Variants in GOLGB1 observed in about 807,000 individuals in gnomAD.
The protein encoded by GOLGB1 is golgin B1.
GOLGB1 carries 174 observed loss-of-function variants against 336.9 expected under a neutral mutation model. The observed-to-expected ratio is 0.52, with a 90% CI of 0.46 to 0.59. GOLGB1 has a LOEUF of 0.59. GOLGB1 is among the 20% of genes least tolerant of loss of function. The probability of loss-of-function intolerance (pLI) is 0.00; values close to 1 mark genes in which losing one functional copy is unlikely to be tolerated. For missense variants in GOLGB1, 3,331 were observed against 3,645.3 expected (o/e 0.91, Z 2.22); for synonymous variants, 1,208 against 1,289.2 (o/e 0.94, Z 1.35).
intron 11 of GOLGB1, among the ~76,000 whole-genome samples, chr3:121,701,089 A>G (rs1943364331): frequency 6.6e-6 from 1 of 152,188 alleles, no homozygotes; most frequent in Non-Finnish European, 1.5e-5. Context: ...AAAAAGGAGT[A>G]CAGTGGTAGA....
intron 4 of GOLGB1, among the ~76,000 whole-genome samples, chr3:121,728,606 A>C (rs1190681030): frequency 6.6e-6 from 1 of 152,312 alleles, no homozygotes; most frequent in Non-Finnish European, 1.5e-5. Context: ...AATATTCCTC[A>C]CAGGGCAGTA....
intron 1 of GOLGB1, among the ~76,000 whole-genome samples, chr3:121,744,330 G>A (rs1234668338): frequency 6.6e-6 from 1 of 151,268 alleles, no homozygotes; most frequent in African/African-American, 2.4e-5. Context: ...ATAGCAGTCA[G>A]GCAGGGTGGC....
chr3:121,736,837 G>C (rs1946502782), intron 1 of GOLGB1, among the ~76,000 whole-genome samples: 1 of 152,170 alleles, frequency 6.6e-6, no homozygotes, highest in Non-Finnish European at 1.5e-5. Context: ...CTGGGAGACA[G>C]AGGTTGCAGT....
intron 17 of GOLGB1, among the ~76,000 whole-genome samples, chr3:121,670,545 A>C (rs1421833351): frequency 1.3e-5 from 2 of 152,098 alleles, no homozygotes; most frequent in African/African-American, 4.8e-5. Flanking sequence ...CTGAAGAGCA[A>C]TGTTAGCTTA....
In GOLGB1 at chr3:121,695,702, A is replaced by G; in HGVS notation, c.4821T>C (p.Thr1607=). ...SLKSSKIAES[T]EWQEKHKELQ... Reference sequence around the variant, plus strand: ...GCTCCTTGTGTTTCTCTTGCCACTCAGTACTTTCTGCAATCTTAGAAGATT... The same window carrying G: ...GCTCCTTGTGTTTCTCTTGCCACTCGGTACTTTCTGCAATCTTAGAAGATT... Residue 1607 remains threonine, a synonymous_variant, in exon 13 of 22, where the codon ACT becomes ACC. Coordinates refer to ENST00000614479, the MANE Select transcript of GOLGB1 (RefSeq NM_001366282.2). The G allele has an allele frequency of 6.2e-7, 1 of 1,611,684 alleles. No individual in the cohort carries two copies. Among genetic ancestry groups the G allele is most frequent in the South Asian group, 1.1e-5 (1 of 91,072 alleles).
At chr3:121,664,868 A>G (rs1396771395) in intron 21 of GOLGB1, 58 bp downstream of exon 21, 2 of 1,053,734 alleles carry the variant, frequency 1.9e-6, no homozygotes, top group Admixed American at 3.5e-5. Flanking sequence ...CCTTGCCCCC[A>G]GTATAGCCAG....
At chr3:121,700,780 C>T (rs1391020942) in intron 11 of GOLGB1, among the ~76,000 whole-genome samples, 2 of 152,014 alleles carry the variant, frequency 1.3e-5, no homozygotes, top group Non-Finnish European at 2.9e-5. Flanking sequence ...CATGGCTGTC[C>T]CCTTTTCATC....
At chr3:121,672,020 A>G (rs1279858613) in intron 17 of GOLGB1, among the ~76,000 whole-genome samples, 2 of 152,240 alleles carry the variant, frequency 1.3e-5, no homozygotes, top group Non-Finnish European at 2.9e-5. Flanking sequence ...TACATATACC[A>G]CATTCTTAAT....
intron 4 of GOLGB1, chr3:121,728,983 T>C: frequency 5.2e-6 from 2 of 385,668 alleles, no homozygotes; most frequent in East Asian, 3.9e-5. Flanking sequence ...TGGCATTTCA[T>C]ATCCATGTTT....
chr3:121,673,948 T>C (rs1939951033), intron 17 of GOLGB1, among the ~76,000 whole-genome samples: 1 of 152,194 alleles, frequency 6.6e-6, no homozygotes. Flanking sequence ...CTCAAACTCC[T>C]GGCCTCAAGT....
chr3:121,669,187 A>G, intron 18 of GOLGB1, 25 bp downstream of exon 18: 3 of 1,611,176 alleles, frequency 1.9e-6, no homozygotes, highest in Non-Finnish European at 2.5e-6. Flanking sequence ...CACTTCTCCC[A>G]GTCTCTCACC....
intron 12 of GOLGB1, among the ~76,000 whole-genome samples, chr3:121,699,459 T>G (rs1053705143): frequency 3.3e-5 from 5 of 152,158 alleles, no homozygotes. Flanking sequence ...GATCCCTTTT[T>G]ATTTAATCTT....
chr3:121,729,442 A>C (rs973363098), intron 3 of GOLGB1, 102 bp from the exon 4 acceptor site: 39 of 960,992 alleles, frequency 4.1e-5, no homozygotes, highest in Non-Finnish European at 5.3e-5. Flanking sequence ...GAGACAGGGT[A>C]TCTCTCTGTT....
intron 10 of GOLGB1, among the ~76,000 whole-genome samples, chr3:121,711,507 T>C (rs1944357465): frequency 1.3e-5 from 2 of 152,110 alleles, no homozygotes; most frequent in African/African-American, 4.8e-5. Context: ...TATTAAACAG[T>C]GTACTGGAGG....
chr3:121,693,171 G>C (rs1006343603), intron 13 of GOLGB1, among the ~76,000 whole-genome samples: 11 of 152,170 alleles, frequency 7.2e-5, no homozygotes, highest in Non-Finnish European at 1.5e-4. Flanking sequence ...ATCCAGGCAA[G>C]AGTAGTTGAA....
chr3:121,705,024 G>A (rs937981830), intron 10 of GOLGB1, among the ~76,000 whole-genome samples: 37 of 151,964 alleles, frequency 2.4e-4, no homozygotes, highest in Admixed American at 1.6e-3. Context: ...GTAAATATGT[G>A]GATAAATGTT....
chr3:121,728,077 T>C (rs1366043169), intron 4 of GOLGB1, among the ~76,000 whole-genome samples: 1 of 151,902 alleles, frequency 6.6e-6, no homozygotes, highest in Non-Finnish European at 1.5e-5. Flanking sequence ...AACAAAGCAA[T>C]ATGAGGAGAG....
chr3:121,701,693 G>A (rs1943425020), intron 11 of GOLGB1, among the ~76,000 whole-genome samples: 2 of 152,040 alleles, frequency 1.3e-5, no homozygotes, highest in African/African-American at 4.8e-5. Context: ...AAAATGCTAA[G>A]TTCAGTTCAA....
intron 10 of GOLGB1, among the ~76,000 whole-genome samples, chr3:121,713,122 A>G (rs922911886): frequency 6.6e-6 from 1 of 152,110 alleles, no homozygotes; most frequent in African/African-American, 2.4e-5. Flanking sequence ...AGATCGCACC[A>G]CTGTTCTCCA....
Sources: allele counts gnomAD v4.1 joint callset (sites outside exome capture counted in the v4.1 genomes callset), GRCh38; gene constraint gnomAD v4.1.1; transcripts MANE v1.5; gene names NCBI Gene and HGNC (gene_info 2026-07-23, HGNC 2026-07-21).